Variants in KCNQ1 observed in about 807,000 individuals in gnomAD.
The protein encoded by KCNQ1 is potassium voltage-gated channel subfamily KQT member 1.
A neutral mutation model predicts 72.4 loss-of-function variants in KCNQ1; 49 were observed. The ratio of observed to expected loss-of-function variants is 0.68; its 90% CI spans 0.54 to 0.86. KCNQ1 has a LOEUF of 0.86. Ranked by LOEUF, KCNQ1 falls within the 40% of genes least tolerant of loss-of-function variation. The pLI, the probability that KCNQ1 is intolerant of heterozygous loss-of-function variation, is 0.00. For missense variants in KCNQ1, 790 were observed against 945.1 expected (o/e 0.84, Z 2.15); for synonymous variants, 450 against 412.6 (o/e 1.09, Z -1.10).
intron 6 of KCNQ1, among the ~76,000 whole-genome samples, chr11:2,573,712 C>T (rs190056083): frequency 1.9e-4 from 29 of 152,264 alleles, no homozygotes; most frequent in East Asian, 9.7e-4. Context: ...AGGCAGATCC[C>T]GCACTGGAAC....
intron 1 of KCNQ1, among the ~76,000 whole-genome samples, chr11:2,518,332 G>T (rs1564804058): frequency 6.6e-6 from 1 of 152,228 alleles, no homozygotes; most frequent in African/African-American, 2.4e-5. Flanking sequence ...GGCTTCATGT[G>T]GGGGGTCTTG....
chr11:2,483,772 G>A lies in KCNQ1; in HGVS notation c.386+38288G>A, dbSNP rs57986402. Among the ~76,000 whole-genome samples, 11,870 of 152,186 alleles carry A rather than the reference G, an allele frequency of 0.078. 637 individuals are homozygous for A. The highest frequency in any genetic ancestry group is 0.24 in the East Asian group (1,241 of 5,178). Reference sequence around the variant, plus strand: ...GTGAGGTCAGCATGTCTTAGGGCGGGTTCATTTGACCTTGACCACTCAGGT... The same window carrying A: ...GTGAGGTCAGCATGTCTTAGGGCGGATTCATTTGACCTTGACCACTCAGGT... On this transcript the variant is annotated intron_variant, in intron 1 of 15. Transcript: ENST00000155840. The surrounding 1 kb of genome is among the most constrained non-coding windows in gnomAD (Gnocchi z 6.1).
rs973500006 is a variant in KCNQ1 at position 2,769,586 on chromosome 11, C to T, written c.1590+667C>T. Among the ~76,000 whole-genome samples, 12 of 152,244 alleles carry T rather than the reference C, an allele frequency of 7.9e-5. No homozygotes were observed. The highest frequency in any genetic ancestry group is 2.9e-4 in the African/African-American group (12 of 41,472). ...ATTGATGGCAGGCATGTCTCCCCTC[C>T]TGCCTTGGGGACATTCCTCGGATGA... On this transcript the variant is annotated intron_variant, in intron 12 of 15. Coordinates refer to ENST00000155840, the MANE Select transcript of KCNQ1 (RefSeq NM_000218.3). This position sits in a 1 kb window ranked among gnomAD's most constrained non-coding sequence, Gnocchi z 4.6.
Position 2,549,940 on chromosome 11 carries a change from G to A in KCNQ1, c.478-20688G>A, listed in dbSNP as rs899807818. ...GCCCCCGCCACCCAGCGCGAGCCGC[G>A]TAGAGGAGCAGGAAGGGAGCCAGCT... On this transcript the variant is annotated intron_variant, in intron 2 of 15. Coordinates refer to ENST00000155840, the MANE Select transcript of KCNQ1 (RefSeq NM_000218.3). This position sits in a 1 kb window ranked among gnomAD's most constrained non-coding sequence, Gnocchi z 6.2. 7.2e-5 allele frequency among the ~76,000 whole-genome samples: 11 copies of A among 152,196 alleles called. No homozygotes were observed. The highest frequency in any genetic ancestry group is 6.5e-4 in the Admixed American group (10 of 15,294).
chr11:2,557,089 C>A (rs1388047633), intron 2 of KCNQ1, among the ~76,000 whole-genome samples: 2 of 151,928 alleles, frequency 1.3e-5, no homozygotes, highest in African/African-American at 4.8e-5. Context: ...TAAGGCAAAG[C>A]AATAATGGGT....
Position 2,588,656 on chromosome 11 carries a change from G to A in KCNQ1, c.1252-57G>A, listed in dbSNP as rs764040092. On this transcript the variant is annotated intron_variant, in intron 9 of 15. Coordinates refer to ENST00000155840, the MANE Select transcript of KCNQ1 (RefSeq NM_000218.3). This position sits in a 1 kb window ranked among gnomAD's most constrained non-coding sequence, Gnocchi z 5.6. Reference sequence around the variant, plus strand: ...GCTGCACAGGCACTCTGGGGCCGGCGTAGGGCCTGGCAGACGATGTCCAGG... The same window carrying A: ...GCTGCACAGGCACTCTGGGGCCGGCATAGGGCCTGGCAGACGATGTCCAGG... 8.6e-5 allele frequency: 138 copies of A among 1,606,430 alleles called. No individual in the cohort carries two copies. Among genetic ancestry groups the A allele is most frequent in the African/African-American group, 1.2e-4 (9 of 74,928 alleles).
intron 11 of KCNQ1, among the ~76,000 whole-genome samples, chr11:2,728,361 CAG>C (rs1409339873): frequency 6.6e-6 from 1 of 152,254 alleles, no homozygotes; most frequent in African/African-American, 2.4e-5. Flanking sequence ...CGCCAGCCCT[CAG>C]GGGACCACAG....
At chr11:2,581,251 GT>G (rs1329987820) in intron 6 of KCNQ1, among the ~76,000 whole-genome samples, 1 of 152,240 alleles carries the variant, frequency 6.6e-6, no homozygotes, top group Non-Finnish European at 1.5e-5. Context: ...TTGGTAAACA[GT>G]GGATGTGCTG....
Position 2,772,464 on chromosome 11 carries a change from C to T in KCNQ1, c.1591-3496C>T, listed in dbSNP as rs1369455430. Among the ~76,000 whole-genome samples the T allele has an allele frequency of 1.3e-5, 2 of 152,066 alleles. No homozygotes were observed. The highest frequency in any genetic ancestry group is 4.8e-5 in the African/African-American group (2 of 41,400). On this transcript the variant is annotated intron_variant, in intron 12 of 15. Coordinates refer to ENST00000155840, the MANE Select transcript of KCNQ1 (RefSeq NM_000218.3). This position sits in a 1 kb window ranked among gnomAD's most constrained non-coding sequence, Gnocchi z 6.6. ...CCTGAAGTCAGGATGATCTTTCCAGCCCAACCCCAGAGGACCACTGGACAA... is the reference window on the plus strand; with the variant it reads ...CCTGAAGTCAGGATGATCTTTCCAGTCCAACCCCAGAGGACCACTGGACAA...
intron 2 of KCNQ1, among the ~76,000 whole-genome samples, chr11:2,557,901 G>A (rs1458959357): frequency 1.3e-5 from 2 of 152,164 alleles, no homozygotes; most frequent in Non-Finnish European, 2.9e-5. Context: ...TATGTCTGCG[G>A]AACACTTACA....
Position 2,687,031 on chromosome 11 carries a change from C to T in KCNQ1, c.1514+24950C>T, listed in dbSNP as rs559088937. Reference sequence around the variant, plus strand: ...GGAGCAAGAGCTTAGGGCTAAAACTCAGCAGTCCCAGCTCTGGGGGACAAG... The same window carrying T: ...GGAGCAAGAGCTTAGGGCTAAAACTTAGCAGTCCCAGCTCTGGGGGACAAG... On this transcript the variant is annotated intron_variant, in intron 11 of 15. Coordinates refer to ENST00000155840, the MANE Select transcript of KCNQ1 (RefSeq NM_000218.3). The surrounding 1 kb of genome is among the most constrained non-coding windows in gnomAD (Gnocchi z 5.0). 7.5e-6 allele frequency: 3 copies of T among 398,660 alleles called. No individual in the cohort carries two copies. In the East Asian group the frequency reaches 1.1e-4, roughly 14 times the overall value. The allele number at this position is 398,660 out of a possible 1,614,324, so 24.7% of individuals were successfully genotyped here. A position where few individuals can be genotyped will look rare whatever the true frequency, so the allele number is the denominator to read the frequency against.
rs1167593683 is a variant in KCNQ1, at chr11:2,526,146, G to A, written c.387-1782G>A. On this transcript the variant is annotated intron_variant, in intron 1 of 15. Coordinates refer to ENST00000155840, the MANE Select transcript of KCNQ1 (RefSeq NM_000218.3). This position sits in a 1 kb window ranked among gnomAD's most constrained non-coding sequence, Gnocchi z 6.1. ...ACAGTCAGGACTGGCAACAAGGGCC[G>A]GGAGGAGCTGGGGTGATCTGGGGCC... Among the ~76,000 whole-genome samples the A allele has an allele frequency of 3.9e-5, 6 of 152,304 alleles. No individual in the cohort carries two copies. The highest frequency in any genetic ancestry group is 1.9e-4 in the East Asian group (1 of 5,176).
At chr11:2,770,681 T>G (rs1843026233) in intron 12 of KCNQ1, among the ~76,000 whole-genome samples, 1 of 152,264 alleles carries the variant, frequency 6.6e-6, no homozygotes, top group African/African-American at 2.4e-5. Context: ...ATGCCACTGC[T>G]GGCCAGTGCC....
chr11:2,829,518 G>A (rs1046588960), intron 15 of KCNQ1, among the ~76,000 whole-genome samples: 2 of 152,194 alleles, frequency 1.3e-5, no homozygotes, highest in Non-Finnish European at 2.9e-5. Flanking sequence ...TGATTACATA[G>A]TGACATAAAG....
At chr11:2,487,229 A>G (rs902020726) in intron 1 of KCNQ1, among the ~76,000 whole-genome samples, 2 of 152,166 alleles carry the variant, frequency 1.3e-5, no homozygotes, top group Non-Finnish European at 2.9e-5. Flanking sequence ...CCATTGGTTT[A>G]TATGTCTGTC....
At position 2,445,349 on chromosome 11, in the gene KCNQ1, C is replaced by T. The variant is rs794728551; in HGVS notation, c.251C>T (p.Pro84Leu). 6.3e-7 allele frequency: 1 copy of T among 1,593,898 alleles called. No individual in the cohort carries two copies. ...GCCTCCGACCTTGGCCCGCGGCCGC[C>T]GGTGAGCCTAGACCCGCGCGTCTCC... is the stretch of plus-strand genomic sequence containing the variant. Reference protein sequence around the residue: ...PVASDLGPRPPVSLDPRVSIY... With the variant: ...PVASDLGPRPLVSLDPRVSIY... Residue 84 changes from proline to leucine, a missense_variant, in exon 1 of 16, where the codon CCG (proline) becomes CTG (leucine). This residue lies in a region of KCNQ1 where 294 missense variants were observed against 323.3 expected (regional missense o/e 0.91). Coordinates refer to ENST00000155840, the MANE Select transcript of KCNQ1 (RefSeq NM_000218.3).
chr11:2,756,218 CAG>C (rs1293300214), intron 11 of KCNQ1, among the ~76,000 whole-genome samples: 1 of 152,160 alleles, frequency 6.6e-6, no homozygotes, highest in African/African-American at 2.4e-5. Flanking sequence ...TGAGAATGAA[CAG>C]GAGTGTGTGT....
chr11:2,628,693 T>C (rs1050603156), intron 10 of KCNQ1: 12 of 398,308 alleles, frequency 3.0e-5, no homozygotes, highest in African/African-American at 2.5e-4. Context: ...TGATGTCACA[T>C]CTAAAAAATT....
At chr11:2,606,410 C>T (rs1848880732) in intron 10 of KCNQ1, among the ~76,000 whole-genome samples, 1 of 152,112 alleles carries the variant, frequency 6.6e-6, no homozygotes, top group Non-Finnish European at 1.5e-5. Flanking sequence ...TCGTGAATGG[C>T]TTGGTACCAT....
Sources: allele counts gnomAD v4.1 joint callset (sites outside exome capture counted in the v4.1 genomes callset), GRCh38; gene constraint gnomAD v4.1.1; regional missense constraint gnomAD v4.1.1; non-coding constraint Gnocchi (gnomAD v3.1); transcripts MANE v1.5; gene names NCBI Gene and HGNC (gene_info 2026-07-23, HGNC 2026-07-21).